FAM81A: variants seen among roughly 807,000 people sequenced by gnomAD.
The protein encoded by FAM81A is protein FAM81A.
In FAM81A, 19 loss-of-function variants were observed where a neutral mutation model predicts 46.7. That is an observed-to-expected ratio of 0.41 (90% CI 0.28 to 0.60). The LOEUF is 0.60. Ranked by LOEUF, FAM81A falls within the 20% of genes least tolerant of loss-of-function variation. FAM81A has a pLI of 0.34. For missense variants in FAM81A, 377 were observed against 453.5 expected (o/e 0.83, Z 1.53); for synonymous variants, 183 against 152.9 (o/e 1.20, Z -1.45).
At chr15:59,493,595 CTTTTT>C (rs2082003623) in intron 4 of FAM81A, among the ~76,000 whole-genome samples, 1 of 151,956 alleles carries the variant, frequency 6.6e-6, no homozygotes, top group Non-Finnish European at 1.5e-5. Context: ...CTTTTCTTTT[CTTTTT>C]ATTTTTGAGA....
chr15:59,497,891 T>C (rs2141778763), intron 4 of FAM81A, among the ~76,000 whole-genome samples: 1 of 152,358 alleles, frequency 6.6e-6, no homozygotes, highest in South Asian at 2.1e-4. Flanking sequence ...ATTGTCTTCC[T>C]TTGTTGCCCA....
At chr15:59,493,985 T>C (rs1369969767) in intron 4 of FAM81A, among the ~76,000 whole-genome samples, 1 of 152,188 alleles carries the variant, frequency 6.6e-6, no homozygotes, top group Non-Finnish European at 1.5e-5. Flanking sequence ...CATAGAGCTC[T>C]CCTAGCACTC....
chr15:59,440,893 G>A (rs889088925), intron 1 of FAM81A, among the ~76,000 whole-genome samples: 1 of 152,068 alleles, frequency 6.6e-6, no homozygotes, highest in Non-Finnish European at 1.5e-5. Flanking sequence ...ACCCCCGCTT[G>A]CCTGCTTATT....
At chr15:59,463,174 G>T (rs144175536) in intron 3 of FAM81A, among the ~76,000 whole-genome samples, 9 of 152,152 alleles carry the variant, frequency 5.9e-5, no homozygotes, top group Admixed American at 2.6e-4. Flanking sequence ...CCATTTTGAG[G>T]TAATTTTTGT....
Position 59,512,792 on chromosome 15 carries a change from C to T in FAM81A, c.651-1497C>T, listed in dbSNP as rs192105176. On this transcript the variant is annotated intron_variant, in intron 6 of 8. Transcript: ENST00000288228. ...GTGGTTTTTCCAAGGCTCCAGTCCT[C>T]GTCCCTTCCCAGTCACCTGGGACAG... 3.9e-5 allele frequency among the ~76,000 whole-genome samples: 6 copies of T among 152,314 alleles called. No individual in the cohort carries two copies. The East Asian group carries it at 1.2e-3, about 29-fold the overall frequency.
chr15:59,413,461 C>CACAA (rs1491258762), intron 2 of FAM81A, among the ~76,000 whole-genome samples: 2 of 148,964 alleles, frequency 1.3e-5, no homozygotes, highest in Admixed American at 6.7e-5. Flanking sequence ...CACACACACA[C>CACAA]AACCACCCAC....
upstream of FAM81A, among the ~76,000 whole-genome samples, chr15:59,433,920 A>T (rs1268728379): frequency 6.6e-6 from 1 of 152,158 alleles, no homozygotes; most frequent in African/African-American, 2.4e-5. Flanking sequence ...CAGTGGCGCG[A>T]TCTAGGCTCA....
At chr15:59,480,925 A>G (rs2141713003) in intron 3 of FAM81A, among the ~76,000 whole-genome samples, 1 of 152,310 alleles carries the variant, frequency 6.6e-6, no homozygotes, top group Middle Eastern at 3.4e-3. Context: ...ACTTTCTAGT[A>G]ACATGAATAC....
At chr15:59,498,874 C>G (rs916015750) in intron 4 of FAM81A, among the ~76,000 whole-genome samples, 2 of 152,130 alleles carry the variant, frequency 1.3e-5, no homozygotes, top group Admixed American at 6.5e-5. Context: ...AGGCTGGTCT[C>G]GAACTCCTGA....
At chr15:59,424,294 G>A (rs1203093373) in intron 2 of FAM81A, among the ~76,000 whole-genome samples, 3 of 152,136 alleles carry the variant, frequency 2.0e-5, no homozygotes, top group Admixed American at 6.5e-5. Context: ...TTTCTTCTCA[G>A]TCTCCTTCCT....
intron 3 of FAM81A, among the ~76,000 whole-genome samples, chr15:59,480,742 A>G (rs2081840065): frequency 6.6e-6 from 1 of 152,192 alleles, no homozygotes; most frequent in South Asian, 2.1e-4. Context: ...TGGAGAAGCA[A>G]TGCCATATAT....
intron 2 of FAM81A, among the ~76,000 whole-genome samples, chr15:59,429,557 C>G (rs1596466979): frequency 6.6e-6 from 1 of 152,158 alleles, no homozygotes; most frequent in Admixed American, 6.5e-5. Context: ...TATTATCTCC[C>G]CTTGGAAAAA....
At chr15:59,501,361 C>CTAGCA (rs1567072073) in intron 4 of FAM81A, among the ~76,000 whole-genome samples, 1 of 152,132 alleles carries the variant, frequency 6.6e-6, no homozygotes, top group South Asian at 2.1e-4. Flanking sequence ...CCACTAATTG[C>CTAGCA]TAGCATATTG....
At position 59,514,321 on chromosome 15, in the gene FAM81A, A is replaced by G; in HGVS notation, c.683A>G (p.Gln228Arg). The change falls in exon 7 of 9, where the codon CAG becomes CGG. Residue 228 changes from glutamine (Q) to arginine (R), a missense_variant. Coordinates refer to ENST00000288228, the MANE Select transcript of FAM81A (RefSeq NM_152450.3). ...FKGTVEELSN[Q>R]ILSARSWLQQ... ...GGTACAGTTGAGGAACTCAGTAACC[A>G]GATATTATCTGCACGGAGTTGGTTG... The G allele has an allele frequency of 6.2e-7, 1 of 1,611,496 alleles. No individual in the cohort carries two copies. Among genetic ancestry groups the G allele is most frequent in the South Asian group, 1.1e-5 (1 of 90,618 alleles).
At chr15:59,515,939 A>C (rs951324485) in intron 7 of FAM81A, among the ~76,000 whole-genome samples, 1 of 152,206 alleles carries the variant, frequency 6.6e-6, no homozygotes, top group Non-Finnish European at 1.5e-5. Context: ...TTCCAGTTTA[A>C]CTTTTTGCCA....
chr15:59,515,109 G>C (rs1329159205), intron 7 of FAM81A, among the ~76,000 whole-genome samples: 1 of 152,048 alleles, frequency 6.6e-6, no homozygotes, highest in African/African-American at 2.4e-5. Context: ...GCTGAGCATG[G>C]TGACACACGC....
At chr15:59,519,316 G>T (rs111618947) in intron 8 of FAM81A, among the ~76,000 whole-genome samples, 1,789 of 152,054 alleles carry the variant, frequency 0.012, 32 homozygotes, top group African/African-American at 0.041. Context: ...AGCCCCGCGG[G>T]TAGCTGGGAT....
intron 2 of FAM81A, among the ~76,000 whole-genome samples, chr15:59,405,489 A>C (rs1268166817): frequency 6.6e-6 from 1 of 152,038 alleles, no homozygotes; most frequent in African/African-American, 2.4e-5. Context: ...AAAAAGATGA[A>C]AATTAGCTGA....
chr15:59,405,686 C>T (rs1416749014), intron 2 of FAM81A, among the ~76,000 whole-genome samples: 2 of 152,072 alleles, frequency 1.3e-5, no homozygotes, highest in Non-Finnish European at 2.9e-5. Context: ...TCATCCTGTC[C>T]ATCCCATGTC....
Sources: gnomAD v4.1 joint callset for allele counts (sites outside exome capture counted in the v4.1 genomes callset) on GRCh38, gnomAD v4.1.1 for gene constraint, MANE v1.5 for transcripts, NCBI Gene and HGNC (gene_info 2026-07-23, HGNC 2026-07-21) for gene names.